Variants in CEP63 observed in about 807,000 individuals in gnomAD.
CEP63 encodes the protein centrosomal protein 63.
In CEP63, 84 loss-of-function variants were observed where a neutral mutation model predicts 89.1. The ratio of observed to expected loss-of-function variants is 0.94; its 90% CI spans 0.79 to 1.13. The LOEUF (loss-of-function observed/expected upper bound fraction) is 1.13, where lower values mean the gene tolerates loss of function less well. Among genes scored for constraint, CEP63 ranks in the 50% most tolerant of loss-of-function variants. The probability of loss-of-function intolerance (pLI) is 0.00; values close to 1 mark genes in which losing one functional copy is unlikely to be tolerated. For missense variants in CEP63, 838 were observed against 813.3 expected (o/e 1.03, Z -0.37); for synonymous variants, 267 against 272.5 (o/e 0.98, Z 0.20).
chr3:134,782,169 T>C, the CEP63 span, among the ~76,000 whole-genome samples: 1 of 152,228 alleles, frequency 6.6e-6, no homozygotes, highest in African/African-American at 2.4e-5. Flanking sequence ...AATCAGTAAA[T>C]GGGACAATAG....
At position 134,531,808 on chromosome 3, in the gene CEP63, C is replaced by T. The variant is rs373442447; in HGVS notation, c.223-37C>T. The T allele has an allele frequency of 1.8e-5, 24 of 1,366,022 alleles. No individual in the cohort carries two copies. In the African/African-American group the frequency reaches 2.9e-4, roughly 16 times the overall value. 84.6% of individuals were successfully genotyped at this position (1,366,022 alleles called of 1,614,324 possible). On this transcript the variant is annotated intron_variant, in intron 3 of 14. Coordinates refer to ENST00000675561, the MANE Select transcript of CEP63 (RefSeq NM_001353108.3). ...ATATCTCAGGGATGTTATTTCAATG[C>T]TAATAGTGAAAAATACTACCACCTT...
the CEP63 span, among the ~76,000 whole-genome samples, chr3:134,644,189 C>T: frequency 1.2e-4 from 19 of 152,122 alleles, no homozygotes; most frequent in South Asian, 1.0e-3. Context: ...GCCTAGGAGA[C>T]GGGATGATGT....
downstream of CEP63, among the ~76,000 whole-genome samples, chr3:134,566,535 T>G (rs939382993): frequency 1.3e-5 from 2 of 152,168 alleles, no homozygotes; most frequent in Non-Finnish European, 2.9e-5. Context: ...CTCTCCCTTC[T>G]GGGGCTGAAT....
Position 134,564,888 on chromosome 3 carries a change from T to G in CEP63, c.*3353T>G. The G allele has an allele frequency of 1.0e-6, 1 of 985,086 alleles. No individual in the cohort carries two copies. The highest frequency in any genetic ancestry group is 1.2e-6 in the Non-Finnish European group (1 of 829,596). 61.0% of individuals were successfully genotyped at this position (985,086 alleles called of 1,614,324 possible). ...AATCATGAGGTACTATGTATTTCCT[T>G]AAATTATACTGTTTTTTAAAGCTGA... On this transcript the variant is annotated 3_prime_UTR_variant, in exon 15 of 15. Coordinates refer to ENST00000675561, the MANE Select transcript of CEP63 (RefSeq NM_001353108.3).
chr3:134,648,126 T>A, the CEP63 span, among the ~76,000 whole-genome samples: 1 of 152,204 alleles, frequency 6.6e-6, no homozygotes, highest in Admixed American at 6.5e-5. Flanking sequence ...TGGCACAGCA[T>A]GGGGATACGT....
the CEP63 span, among the ~76,000 whole-genome samples, chr3:134,768,621 T>A: frequency 6.6e-6 from 1 of 152,162 alleles, no homozygotes; most frequent in East Asian, 1.9e-4. Context: ...TGGCTGACTC[T>A]AAAAAGGAGT....
At chr3:134,675,512 C>G in the CEP63 span, among the ~76,000 whole-genome samples, 1 of 152,072 alleles carries the variant, frequency 6.6e-6, no homozygotes, top group African/African-American at 2.4e-5. Flanking sequence ...CATGAGCAAT[C>G]AAATAAAAAA....
At chr3:134,657,202 G>A in the CEP63 span, among the ~76,000 whole-genome samples, 3 of 152,142 alleles carry the variant, frequency 2.0e-5, no homozygotes, top group African/African-American at 4.8e-5. Flanking sequence ...AAGCAAAAGC[G>A]GAAACCCCTG....
chr3:134,599,095 A>G, the CEP63 span, among the ~76,000 whole-genome samples: 1 of 152,198 alleles, frequency 6.6e-6, no homozygotes, highest in South Asian at 2.1e-4. Context: ...TGTAACTGAC[A>G]ACCCCAGGCC....
At chr3:134,602,547 G>A in the CEP63 span, among the ~76,000 whole-genome samples, 1 of 152,220 alleles carries the variant, frequency 6.6e-6, no homozygotes, top group Non-Finnish European at 1.5e-5. Flanking sequence ...GGCAGGCAGA[G>A]CCCTGTTAAA....
chr3:134,487,114 T>C (rs1223954280), intron 1 of CEP63, among the ~76,000 whole-genome samples: 1 of 152,246 alleles, frequency 6.6e-6, no homozygotes, highest in Non-Finnish European at 1.5e-5. Context: ...AGCAGTATTG[T>C]AGGGTAGATG....
rs1413318005 is a variant in CEP63, at chr3:134,573,928, ACAGCATTTAGGG to A, written c.1330-862_1330-851del. Among the ~76,000 whole-genome samples the A allele has an allele frequency of 6.6e-5, 10 of 152,266 alleles. No homozygotes were observed. In the East Asian group the frequency reaches 1.3e-3, roughly 21 times the overall value. Reference sequence around the variant, plus strand: ...GTTTTGGAAGCCCTCAGCATTTAGGACAGCATTTAGGGCAAGCCTGGGATGGTGAGTGCTCTT... The same window carrying A: ...GTTTTGGAAGCCCTCAGCATTTAGGACAAGCCTGGGATGGTGAGTGCTCTT... On this transcript the variant is annotated intron_variant, in intron 11 of 11. Transcript: ENST00000354446.
chr3:134,673,267 C>T, the CEP63 span, among the ~76,000 whole-genome samples: 2 of 152,160 alleles, frequency 1.3e-5, no homozygotes, highest in African/African-American at 2.4e-5. Context: ...GAACTACCTC[C>T]TCTCTGAGAT....
At chr3:134,614,754 C>A in the CEP63 span, among the ~76,000 whole-genome samples, 1 of 152,174 alleles carries the variant, frequency 6.6e-6, no homozygotes, top group South Asian at 2.1e-4. Context: ...ATGGTCCAGG[C>A]CCTGCCATAG....
chr3:134,754,658 C>T, the CEP63 span, among the ~76,000 whole-genome samples: 1 of 152,156 alleles, frequency 6.6e-6, no homozygotes, highest in Non-Finnish European at 1.5e-5. Flanking sequence ...GGGAGTGTGT[C>T]TACCCTCCTC....
rs1002526749 is a variant in CEP63 at position 134,520,766 on chromosome 3, T to G, written c.223-11079T>G. Among the ~76,000 whole-genome samples, 5 of 152,172 alleles carry G rather than the reference T, an allele frequency of 3.3e-5. No homozygotes were observed. In the East Asian group the frequency reaches 9.6e-4, roughly 29 times the overall value. ...CATTTGATTCATGACAAGATGACAC[T>G]GCAAGATGGTGGGGAGTCTTTTCAA... is the stretch of plus-strand genomic sequence containing the variant. On this transcript the variant is annotated intron_variant, in intron 3 of 14. Coordinates refer to ENST00000675561, the MANE Select transcript of CEP63 (RefSeq NM_001353108.3).
chr3:134,606,688 C>T, the CEP63 span, among the ~76,000 whole-genome samples: 1 of 152,158 alleles, frequency 6.6e-6, no homozygotes, highest in Non-Finnish European at 1.5e-5. Flanking sequence ...GTCTTAGTGC[C>T]TGGTTGTGGT....
At chr3:134,770,672 C>T in the CEP63 span, among the ~76,000 whole-genome samples, 63 of 152,272 alleles carry the variant, frequency 4.1e-4, 1 homozygote, top group African/African-American at 1.3e-3. Context: ...CCACAATCAT[C>T]GCTTACCTGT....
the CEP63 span, chr3:134,607,862 C>T: frequency 2.0e-6 from 2 of 989,108 alleles, no homozygotes; most frequent in Non-Finnish European, 2.4e-6. Context: ...GGGAGGGGTA[C>T]TGAGCCAGCC....
Sources: allele counts gnomAD v4.1 joint callset (sites outside exome capture counted in the v4.1 genomes callset), GRCh38; gene constraint gnomAD v4.1.1; transcripts MANE v1.5; gene names NCBI Gene and HGNC (gene_info 2026-07-23, HGNC 2026-07-21).